The following ANO3 variants were observed in gnomAD, a reference collection of about 807,000 sequenced individuals.
ANO3 encodes anoctamin-3.
Under a neutral mutation model 144.8 loss-of-function variants are expected in ANO3, and 99 were observed. That is an observed-to-expected ratio of 0.68 (90% CI 0.58 to 0.81). The LOEUF (loss-of-function observed/expected upper bound fraction) is 0.81. ANO3 is among the 30% of genes least tolerant of loss of function. The probability of loss-of-function intolerance (pLI) is 0.00; values close to 1 mark genes in which losing one functional copy is unlikely to be tolerated. For missense variants in ANO3, 905 were observed against 1,202.2 expected, an observed-to-expected ratio of 0.75 and a Z score of 3.66; for synonymous variants, 414 against 392.6, an observed-to-expected ratio of 1.05 and a Z score of -0.64.
At chr11:26,462,539 A>G (rs969558486) in intron 3 of ANO3, among the ~76,000 whole-genome samples, 3 of 151,582 alleles carry the variant, frequency 2.0e-5, no homozygotes, top group African/African-American at 7.3e-5. Context: ...CCCTGATTTT[A>G]TGTTTCTTGT....
chr11:26,603,431 T>C (rs1440003137), intron 17 of ANO3, among the ~76,000 whole-genome samples: 4 of 151,564 alleles, frequency 2.6e-5, no homozygotes, highest in Non-Finnish European at 4.4e-5. Flanking sequence ...AAAGGAATTA[T>C]CAATAATATC....
intron 4 of ANO3, among the ~76,000 whole-genome samples, chr11:26,495,781 C>T (rs1451885764): frequency 6.6e-6 from 1 of 152,154 alleles, no homozygotes; most frequent in Non-Finnish European, 1.5e-5. Flanking sequence ...GAAGCCAATA[C>T]ATTTATCATC....
chr11:26,592,677 C>G (rs530403473), intron 14 of ANO3, among the ~76,000 whole-genome samples: 1 of 150,910 alleles, frequency 6.6e-6, no homozygotes, highest in African/African-American at 2.4e-5. Flanking sequence ...CTTTGGCACA[C>G]TTCACAGGCC....
At chr11:26,543,361 A>G (rs562751853) in intron 11 of ANO3, among the ~76,000 whole-genome samples, 2 of 152,090 alleles carry the variant, frequency 1.3e-5, no homozygotes, top group African/African-American at 2.4e-5. Flanking sequence ...TATAGAGTCC[A>G]TAGAGGTAGA....
intron 1 of ANO3, among the ~76,000 whole-genome samples, chr11:26,290,141 G>A (rs1029289837): frequency 3.9e-5 from 6 of 152,096 alleles, no homozygotes; most frequent in Non-Finnish European, 7.4e-5. Flanking sequence ...AGTCTTGGGA[G>A]GGCGTATGTG....
At chr11:26,411,569 A>G (rs1039421357) in intron 1 of ANO3, among the ~76,000 whole-genome samples, 1 of 152,010 alleles carries the variant, frequency 6.6e-6, no homozygotes, top group Non-Finnish European at 1.5e-5. Context: ...GAATCAAATC[A>G]AAACACTTAG....
chr11:26,632,622 AAC>A (rs151137702), intron 18 of ANO3, among the ~76,000 whole-genome samples: 2,504 of 147,792 alleles, frequency 0.017, 71 homozygotes, highest in African/African-American at 0.057. Flanking sequence ...TATATGTACA[AAC>A]ACACACACAC....
intron 1 of ANO3, among the ~76,000 whole-genome samples, chr11:26,220,924 CA>C (rs149238461): frequency 0.3 from 45,811 of 151,998 alleles, 7,602 homozygotes; most frequent in Non-Finnish European, 0.37. Flanking sequence ...TGACTGCCTA[CA>C]GATAAAGATG....
At position 26,441,119 on chromosome 11, in the gene ANO3, T is replaced by G. The variant is rs536304175; in HGVS notation, c.47-799T>G. 2.6e-3 allele frequency among the ~76,000 whole-genome samples: 313 copies of G among 121,066 alleles called. 5 individuals carry two copies. The highest frequency in any genetic ancestry group is 9.5e-3 in the African/African-American group (288 of 30,388). 79.4% of individuals were successfully genotyped at this position (121,066 alleles called of 152,430 possible). A position where few individuals can be genotyped will look rare whatever the true frequency, so the allele number is the denominator to read the frequency against. ...GCTTGCTGCCCAGTTTTTTTTTTTT[T>G]TTTTTTTTTTTTTTTTGAGACGGAG... On this transcript the variant is annotated intron_variant, in intron 1 of 26. Transcript: ENST00000256737.
intron 1 of ANO3, among the ~76,000 whole-genome samples, chr11:26,336,476 A>G (rs866922575): frequency 2.0e-5 from 3 of 152,220 alleles, no homozygotes; most frequent in Non-Finnish European, 4.4e-5. Context: ...AATGTTTTAC[A>G]CTTATATGGA....
intron 4 of ANO3, among the ~76,000 whole-genome samples, chr11:26,505,846 G>T (rs943135465): frequency 6.6e-6 from 1 of 151,970 alleles, no homozygotes; most frequent in African/African-American, 2.4e-5. Flanking sequence ...AGCTGGGCGT[G>T]GTGGCGGGCG....
intron 4 of ANO3, among the ~76,000 whole-genome samples, chr11:26,492,869 C>A (rs745695834): frequency 6.6e-6 from 1 of 152,190 alleles, no homozygotes; most frequent in Non-Finnish European, 1.5e-5. Context: ...TGTCCAAGTT[C>A]TGCTAGTTAA....
chr11:26,557,513 A>G (rs1170285504), intron 13 of ANO3, among the ~76,000 whole-genome samples: 1 of 151,898 alleles, frequency 6.6e-6, no homozygotes, highest in Non-Finnish European at 1.5e-5. Context: ...CCCTCTATTC[A>G]TAAAGGCAAG....
chr11:26,597,390 C>T (rs574100133), intron 14 of ANO3, among the ~76,000 whole-genome samples: 131 of 152,278 alleles, frequency 8.6e-4, no homozygotes, highest in African/African-American at 2.9e-3. Flanking sequence ...TGGATTAGGA[C>T]GAACCTGGGC....
intron 1 of ANO3, among the ~76,000 whole-genome samples, chr11:26,267,897 T>C (rs1171693082): frequency 6.6e-6 from 1 of 152,266 alleles, no homozygotes; most frequent in African/African-American, 2.4e-5. Flanking sequence ...TATCTTGGCA[T>C]GTAAATGTTG....
chr11:26,505,915 T>C (rs1286828918), intron 4 of ANO3, among the ~76,000 whole-genome samples: 6 of 139,294 alleles, frequency 4.3e-5, no homozygotes, highest in African/African-American at 1.6e-4. Flanking sequence ...ATGGCGTGAA[T>C]CCCGGAGGCG....
chr11:26,410,908 C>A (rs1857412709), intron 1 of ANO3, among the ~76,000 whole-genome samples: 1 of 151,938 alleles, frequency 6.6e-6, no homozygotes, highest in South Asian at 2.1e-4. Flanking sequence ...CCTGTGCGCT[C>A]AAGATATTGC....
At chr11:26,565,716 G>C (rs775399026) in intron 14 of ANO3, 8 of 1,605,772 alleles carry the variant, frequency 5.0e-6, no homozygotes, top group Non-Finnish European at 5.1e-6. Context: ...ACTTTCCAAA[G>C]AAATAGGTTT....
chr11:26,248,675 C>G (rs945136672), intron 1 of ANO3, among the ~76,000 whole-genome samples: 1 of 152,256 alleles, frequency 6.6e-6, no homozygotes, highest in Middle Eastern at 3.4e-3. Flanking sequence ...GCTGAATGTT[C>G]AAAGATTTTC....
Sources: allele counts gnomAD v4.1 joint callset (sites outside exome capture counted in the v4.1 genomes callset), GRCh38; gene constraint gnomAD v4.1.1; transcripts MANE v1.5; gene names NCBI Gene and HGNC (gene_info 2026-07-23, HGNC 2026-07-21).